CFAP52: variants seen among roughly 807,000 people sequenced by gnomAD.
The protein encoded by CFAP52 is cilia- and flagella-associated protein 52.
CFAP52 carries 57 observed loss-of-function variants against 70.5 expected under a neutral mutation model. The observed-to-expected ratio is 0.81, with a 90% CI of 0.65 to 1.01. The LOEUF is 1.01. CFAP52 is among the 50% of genes least tolerant of loss of function. The pLI, the probability that CFAP52 is intolerant of heterozygous loss-of-function variation, is 0.00. For synonymous variants in CFAP52, 267 were observed against 292.5 expected (o/e 0.91, Z 0.89); for missense variants, 785 against 788.5 (o/e 1.00, Z 0.05).
At position 9,623,488 on chromosome 17, in the gene CFAP52, A is replaced by G. The variant is rs74325896; in HGVS notation, c.1026-5184A>G. 2.9e-3 allele frequency among the ~76,000 whole-genome samples: 444 copies of G among 152,310 alleles called. 4 individuals carry two copies. The highest frequency in any genetic ancestry group is 0.01 in the Middle Eastern group (3 of 292). ...AACTCCATCAAACTCCATCAATGCAATATTATAATTTTTGCTTTAAAGAGT... is the reference window on the plus strand; with the variant it reads ...AACTCCATCAAACTCCATCAATGCAGTATTATAATTTTTGCTTTAAAGAGT... On this transcript the variant is annotated intron_variant, in intron 8 of 13. Transcript: ENST00000352665.
chr17:9,603,777 T>C (rs1368713778), intron 6 of CFAP52, among the ~76,000 whole-genome samples: 1 of 152,234 alleles, frequency 6.6e-6, no homozygotes, highest in African/African-American at 2.4e-5. Context: ...ATGGCACATG[T>C]ACACCTATGT....
At chr17:9,603,369 C>T (rs1909354216) in intron 6 of CFAP52, among the ~76,000 whole-genome samples, 1 of 152,138 alleles carries the variant, frequency 6.6e-6, no homozygotes, top group Admixed American at 6.5e-5. Flanking sequence ...CCACCATGCC[C>T]AGCTAACTTT....
chr17:9,644,396 C>T (rs374426396), downstream of CFAP52, among the ~76,000 whole-genome samples: 1 of 152,214 alleles, frequency 6.6e-6, no homozygotes, highest in African/African-American at 2.4e-5. Context: ...TGAGCCACCG[C>T]GCCCGGCCAG....
At chr17:9,626,255 G>A (rs1910229560) in intron 8 of CFAP52, among the ~76,000 whole-genome samples, 1 of 152,190 alleles carries the variant, frequency 6.6e-6, no homozygotes, top group South Asian at 2.1e-4. Context: ...TTGAGATGGA[G>A]TTTTGTTCTT....
rs1456837928 is a variant in CFAP52, at chr17:9,576,782, C to A, written c.70+17C>A. On this transcript the variant is annotated intron_variant, in intron 1 of 13. Coordinates refer to ENST00000352665, the MANE Select transcript of CFAP52 (RefSeq NM_145054.5). ...GCTTCAATGGTGAGGCCTCCAGCAT[C>A]TTTGGGCTGGCTGGTTTAGGAATTC... The A allele has an allele frequency of 6.2e-7, 1 of 1,606,924 alleles. No individual in the cohort carries two copies. The highest frequency in any genetic ancestry group is 8.5e-7 in the Non-Finnish European group (1 of 1,176,336).
At chr17:9,610,250 T>C (rs1012078479) in intron 7 of CFAP52, 2 of 152,208 alleles carry the variant, frequency 1.3e-5, no homozygotes, top group Non-Finnish European at 2.9e-5. Context: ...GAAGTGAATA[T>C]AGTAAATTAA....
At chr17:9,631,033 AGAGAGAGAGAGAGAGAGAG>A (rs1567634857) in intron 9 of CFAP52, among the ~76,000 whole-genome samples, 66 of 66,610 alleles carry the variant, frequency 9.9e-4, no homozygotes, top group East Asian at 2.7e-3. Flanking sequence ...AAAGAAAGAG[AGAGAGAGAGAGAGAGAGAG>A]AGAAAGAAAG....
chr17:9,580,704 A>T (rs933986442), intron 1 of CFAP52, among the ~76,000 whole-genome samples: 3 of 139,142 alleles, frequency 2.2e-5, no homozygotes, highest in Non-Finnish European at 4.7e-5. Context: ...AAAAAAAAAA[A>T]TGCTGTTAAA....
chr17:9,588,813 C>T (rs1164116579), intron 3 of CFAP52, among the ~76,000 whole-genome samples: 1 of 139,144 alleles, frequency 7.2e-6, no homozygotes, highest in Admixed American at 7.7e-5. Context: ...ACTCTTGTTG[C>T]CCAGGCTGGA....
At chr17:9,608,351 T>C in intron 7 of CFAP52, 132 bp downstream of exon 7, 2 of 699,720 alleles carry the variant, frequency 2.9e-6, no homozygotes, top group Admixed American at 3.5e-5. Flanking sequence ...TTAGAATGAG[T>C]AGTTGGAATC....
At chr17:9,638,824 C>A in intron 12 of CFAP52, 113 bp downstream of exon 12, 2 of 990,068 alleles carry the variant, frequency 2.0e-6, no homozygotes, top group South Asian at 1.5e-5. Context: ...CAATGGTGGT[C>A]TGTCATCAAT....
chr17:9,598,116 C>G (rs1290492058), intron 4 of CFAP52, 118 bp from the exon 5 acceptor site: 1 of 724,446 alleles, frequency 1.4e-6, no homozygotes, highest in Non-Finnish European at 2.3e-6. Flanking sequence ...TCATAGTGCA[C>G]TAGGCCATAA....
In CFAP52 at chr17:9,636,448, A is replaced by C. The variant is rs1489633375; in HGVS notation, c.1472+892A>C. ...CCATAGAATGACTAACTTCAAACTA[A>C]CTAGACCAAAGCCTGTGAACTTTAT... On this transcript the variant is annotated intron_variant, in intron 11 of 13. Transcript: ENST00000352665. Among the ~76,000 whole-genome samples the C allele has an allele frequency of 2.0e-5, 3 of 152,044 alleles. No individual in the cohort carries two copies. The South Asian group carries it at 6.2e-4, about 32-fold the overall frequency.
intron 6 of CFAP52, among the ~76,000 whole-genome samples, chr17:9,605,694 GAAAAAAAAAAA>G (rs56157011): frequency 1.8e-5 from 1 of 56,970 alleles, no homozygotes; most frequent in African/African-American, 6.5e-5. Flanking sequence ...GACTCCATCT[GAAAAAAAAAAA>G]AAAAAAAAAA....
At chr17:9,641,906 A>G in intron 13 of CFAP52, 71 bp downstream of exon 13, 1 of 1,371,558 alleles carries the variant, frequency 7.3e-7, no homozygotes, top group Admixed American at 1.8e-5. Flanking sequence ...CTCCCAGGCT[A>G]GAGGCAATTG....
In CFAP52 at chr17:9,643,291, GCT is replaced by G; in HGVS notation, c.*96_*97del. The stretch of plus-strand genomic sequence containing the variant: ...CCAACACTAGTCTTCATTTCTCACA[GCT>G]CTGTTTTTGTTCTTGAGTCAATTTT... On this transcript the variant is annotated 3_prime_UTR_variant, in exon 14 of 14. Coordinates refer to ENST00000352665, the MANE Select transcript of CFAP52 (RefSeq NM_145054.5). 3 of 1,171,952 alleles carry G rather than the reference GCT, an allele frequency of 2.6e-6. No homozygotes were observed. The highest frequency in any genetic ancestry group is 1.6e-5 in the African/African-American group (1 of 63,508). 72.6% of individuals were successfully genotyped at this position (1,171,952 alleles called of 1,614,324 possible).
At chr17:9,585,750 T>G in intron 1 of CFAP52, 23 bp from the exon 2 acceptor site, 1 of 1,612,442 alleles carries the variant, frequency 6.2e-7, no homozygotes, top group Non-Finnish European at 8.5e-7. Flanking sequence ...TGATTATTAT[T>G]ACTGTGAATC....
intron 8 of CFAP52, among the ~76,000 whole-genome samples, chr17:9,623,912 TTTTA>T (rs1290253117): frequency 6.6e-6 from 1 of 152,202 alleles, no homozygotes. Context: ...TTATCTCAGT[TTTTA>T]TTTATCTGGA....
At chr17:9,592,063 T>C (rs1908786712) in intron 3 of CFAP52, among the ~76,000 whole-genome samples, 1 of 152,124 alleles carries the variant, frequency 6.6e-6, no homozygotes, top group Non-Finnish European at 1.5e-5. Flanking sequence ...TCACATATCA[T>C]AAAATTGACC....
Sources: allele counts gnomAD v4.1 joint callset (sites outside exome capture counted in the v4.1 genomes callset), GRCh38; gene constraint gnomAD v4.1.1; transcripts MANE v1.5; gene names NCBI Gene and HGNC (gene_info 2026-07-23, HGNC 2026-07-21).